Variants in CHL1 observed in about 807,000 individuals in gnomAD.
The protein encoded by CHL1 is neural cell adhesion molecule L1-like protein.
In CHL1, 96 loss-of-function variants were observed where a neutral mutation model predicts 141.9. The observed-to-expected ratio is 0.68, with a 90% CI of 0.57 to 0.80. The LOEUF (loss-of-function observed/expected upper bound fraction) is 0.80, where lower values mean the gene tolerates loss of function less well. Ranked by LOEUF, CHL1 falls within the 30% of genes least tolerant of loss-of-function variation. The probability of loss-of-function intolerance (pLI) is 0.00; values close to 1 mark genes in which losing one functional copy is unlikely to be tolerated. For synonymous variants in CHL1, 613 were observed against 502.2 expected (o/e 1.22, Z -2.95); for missense variants, 1,820 against 1,457.2 (o/e 1.25, Z -4.05).
chr3:242,007 T>C (rs1477902519), intron 1 of CHL1, among the ~76,000 whole-genome samples: 1 of 152,188 alleles, frequency 6.6e-6, no homozygotes, highest in African/African-American at 2.4e-5. Context: ...TCTTAGATTA[T>C]AGTAGTGTAT....
At chr3:394,657 A>T (rs1334048648) in intron 23 of CHL1, 36 bp from the exon 24 acceptor site, 6 of 1,463,556 alleles carry the variant, frequency 4.1e-6, no homozygotes, top group Non-Finnish European at 5.7e-6. Flanking sequence ...GAATGGTTAA[A>T]TACATTTGAG....
At chr3:261,583 T>G (rs1016861355) in intron 2 of CHL1, among the ~76,000 whole-genome samples, 2 of 152,236 alleles carry the variant, frequency 1.3e-5, no homozygotes, top group Admixed American at 1.3e-4. Context: ...TTGTAAAATA[T>G]ATGAATTAGA....
At position 328,424 on chromosome 3, in the gene CHL1, T is replaced by C. The variant is rs889880723; in HGVS notation, c.385+70T>C. 35 of 1,286,900 alleles carry C rather than the reference T, an allele frequency of 2.7e-5. No individual in the cohort carries two copies. In the African/African-American group the frequency reaches 5.2e-4, roughly 19 times the overall value. 79.7% of individuals were successfully genotyped at this position (1,286,900 alleles called of 1,614,324 possible). On this transcript the variant is annotated intron_variant, in intron 5 of 27. Transcript: ENST00000256509. ...AGTGTTAAATAGGAGTTAGATTGGG[T>C]TCCAATGAAATAAAGCAGTTATTAA... is the stretch of plus-strand genomic sequence containing the variant.
intron 2 of CHL1, among the ~76,000 whole-genome samples, chr3:263,162 C>T (rs17015776): frequency 0.053 from 8,081 of 152,180 alleles, 689 homozygotes; most frequent in African/African-American, 0.19. Flanking sequence ...GAAGCTCCAT[C>T]GCAGGCAAGG....
chr3:242,378 C>CTT (rs1417011416), intron 1 of CHL1, among the ~76,000 whole-genome samples: 1 of 140,832 alleles, frequency 7.1e-6, no homozygotes, highest in Non-Finnish European at 1.5e-5. Flanking sequence ...GGGCAGATCA[C>CTT]GAGGTCAGGA....
intron 5 of CHL1, among the ~76,000 whole-genome samples, chr3:333,125 TTTTTTTTA>T (rs1701583109): frequency 2.3e-5 from 1 of 43,790 alleles, no homozygotes; most frequent in East Asian, 6.1e-4. Context: ...AATTGCTCTA[TTTTTTTTA>T]TTTTTTTTTT....
chr3:242,718 T>C (rs1692782560), intron 1 of CHL1, among the ~76,000 whole-genome samples: 1 of 151,030 alleles, frequency 6.6e-6, no homozygotes, highest in East Asian at 2.0e-4. Flanking sequence ...AGAGATTAGA[T>C]TAGTAGCAAG....
rs201275626 is a variant in CHL1, at chr3:212,204, T to TA, written c.-175+15149dup. The stretch of plus-strand genomic sequence containing the variant: ...TGAGGTTTCTACAACGAGTTTGCAT[T>TA]AAAAAAAACTTGTTGGGGGTTCTGG... On this transcript the variant is annotated intron_variant, in intron 1 of 27. Transcript: ENST00000256509. Among the ~76,000 whole-genome samples the TA allele has an allele frequency of 4.4e-3, 675 of 152,110 alleles. 19 individuals are homozygous for TA. Among genetic ancestry groups the TA allele is most frequent in the Admixed American group, 0.013 (199 of 15,268 alleles).
chr3:370,145 T>G (rs1033096667), intron 15 of CHL1, among the ~76,000 whole-genome samples: 1 of 152,206 alleles, frequency 6.6e-6, no homozygotes, highest in Non-Finnish European at 1.5e-5. Flanking sequence ...TTCTTTTCAA[T>G]TGTGTGGAAT....
At chr3:346,437 G>A (rs3773400) in intron 9 of CHL1, among the ~76,000 whole-genome samples, 46,098 of 152,024 alleles carry the variant, frequency 0.3, 7,095 homozygotes, top group South Asian at 0.41. Context: ...GTTCATCACT[G>A]TATTGAGTTG....
chr3:328,778 A>T (rs1033347558), intron 5 of CHL1, among the ~76,000 whole-genome samples: 16 of 152,124 alleles, frequency 1.1e-4, no homozygotes, highest in Admixed American at 7.2e-4. Flanking sequence ...TAATGGAGAC[A>T]TCGTCATTCT....
intron 3 of CHL1, among the ~76,000 whole-genome samples, chr3:320,805 G>C (rs539225959): frequency 5.3e-5 from 8 of 151,936 alleles, no homozygotes; most frequent in African/African-American, 1.7e-4. Flanking sequence ...CATGCATATG[G>C]GTTCTAAAAG....
intron 2 of CHL1, among the ~76,000 whole-genome samples, chr3:316,751 T>C (rs138765146): frequency 6.6e-6 from 1 of 151,884 alleles, no homozygotes; most frequent in Non-Finnish European, 1.5e-5. Context: ...AAACATCTCA[T>C]GTACCCTATA....
In CHL1 at chr3:389,401, C is replaced by A; in HGVS notation, c.2397C>A (p.Val799=). 1 of 1,614,206 alleles carries A rather than the reference C, an allele frequency of 6.2e-7. No homozygotes were observed. Among genetic ancestry groups the A allele is most frequent in the Non-Finnish European group, 8.5e-7 (1 of 1,180,026 alleles). ...CTGCTGTCTATGCCCCTTATGATGT[C>A]AAGGTCCAGGCTATCAATCAACTAG... ...MTPAVYAPYD[V]KVQAINQLGS... is the part of the protein sequence containing the mutation. Residue 799 remains valine (V), a synonymous_variant, in exon 20 of 28, where the codon GTC becomes GTA. Coordinates refer to ENST00000256509, the MANE Select transcript of CHL1 (RefSeq NM_006614.4).
intron 5 of CHL1, among the ~76,000 whole-genome samples, chr3:331,136 A>C (rs1701403228): frequency 6.6e-6 from 1 of 152,176 alleles, no homozygotes; most frequent in Non-Finnish European, 1.5e-5. Context: ...GACTATTTGA[A>C]CAATACGTTT....
intron 1 of CHL1, among the ~76,000 whole-genome samples, chr3:238,910 G>T (rs769294860): frequency 1.3e-5 from 2 of 152,052 alleles, no homozygotes; most frequent in Non-Finnish European, 2.9e-5. Context: ...TCCAGCCTGG[G>T]TGACAAGAGC....
Position 343,015 on chromosome 3 carries a change from A to G in CHL1, c.711A>G (p.Thr237=). ...ATGCTAATGACTCAAGTTCATCCAC[A>G]GAAATTGGTTCCAAGGGTAAGTTGA... The part of the protein sequence containing the change: ...LKHANDSSSS[T]EIGSKANSIK... Residue 237 remains threonine, a synonymous_variant, in exon 8 of 28, where the codon ACA becomes ACG. Transcript: ENST00000256509. The G allele has an allele frequency of 6.2e-7, 1 of 1,608,556 alleles. No individual in the cohort carries two copies. Among genetic ancestry groups the G allele is most frequent in the Non-Finnish European group, 8.5e-7 (1 of 1,178,104 alleles).
intron 1 of CHL1, among the ~76,000 whole-genome samples, chr3:232,143 T>C (rs1478301295): frequency 6.6e-6 from 1 of 152,154 alleles, no homozygotes; most frequent in Admixed American, 6.6e-5. Flanking sequence ...AAGGTTTTGG[T>C]GTCTACCATT....
intron 2 of CHL1, among the ~76,000 whole-genome samples, chr3:307,605 G>A (rs1575021036): frequency 1.3e-5 from 2 of 152,040 alleles, no homozygotes; most frequent in South Asian, 4.1e-4. Context: ...ATTCACTCAA[G>A]GATGCTTGTG....
Sources: gnomAD v4.1 joint callset for allele counts (sites outside exome capture counted in the v4.1 genomes callset) on GRCh38, gnomAD v4.1.1 for gene constraint, MANE v1.5 for transcripts, NCBI Gene and HGNC (gene_info 2026-07-23, HGNC 2026-07-21) for gene names.